Variants in MASTL observed in about 807,000 individuals in gnomAD.
MASTL encodes the protein serine/threonine-protein kinase greatwall.
Under a neutral mutation model 82.5 loss-of-function variants are expected in MASTL, and 54 were observed. That is an observed-to-expected ratio of 0.65 (90% CI 0.53 to 0.82). The LOEUF is 0.82. Among genes scored for constraint, MASTL ranks in the 40% least tolerant of loss-of-function variants. The pLI is 0.00. For synonymous variants in MASTL, 323 were observed against 368.9 expected (o/e 0.88, Z 1.43); for missense variants, 950 against 1,047.8 (o/e 0.91, Z 1.29).
Position 27,165,078 on chromosome 10 carries a change from G to T in MASTL, c.568G>T (p.Asp190Tyr). 5 of 1,595,330 alleles carry T rather than the reference G, an allele frequency of 3.1e-6. No homozygotes were observed. Among genetic ancestry groups the T allele is most frequent in the Non-Finnish European group, 4.3e-6 (5 of 1,163,098 alleles). ...VTLNRDINMM[D>Y]ILTTPSMAKP... ...TGCATACATAGATATTAATATGATG[G>T]ATATCCTTACAACACCATCAATGGC... Residue 190 changes from aspartate (D) to tyrosine (Y), a missense_variant, in exon 5 of 12, where the codon GAT becomes TAT. Coordinates refer to ENST00000375940, the MANE Select transcript of MASTL (RefSeq NM_001172303.3).
intron 11 of MASTL, 34 bp from the exon 12 acceptor site, chr10:27,186,345 A>G: frequency 6.3e-7 from 1 of 1,593,038 alleles, no homozygotes; most frequent in Non-Finnish European, 8.6e-7. Flanking sequence ...TTAGGTAATG[A>G]TATCATACTG....
rs1200713571 is a variant in MASTL at position 27,170,330 on chromosome 10, A to T, written c.1371A>T (p.Lys457Asn). 1 of 1,613,670 alleles carries T rather than the reference A, an allele frequency of 6.2e-7. No homozygotes were observed. Among genetic ancestry groups the T allele is most frequent in the East Asian group, 2.2e-5 (1 of 44,886 alleles). Residue 457 changes from lysine (K) to asparagine (N), a missense_variant, in exon 8 of 12, where the codon AAA (lysine) becomes AAT (asparagine). Coordinates refer to ENST00000375940, the MANE Select transcript of MASTL (RefSeq NM_001172303.3). ...FELVDSSPCK[K>N]IIQNKKTCVE... ...TGGTTGACTCCAGTCCTTGTAAAAA[A>T]ATTATACAGAATAAAAAAACTTGTG...
chr10:27,155,659 T>C, intron 1 of MASTL, 47 bp downstream of exon 1: 1 of 1,604,940 alleles, frequency 6.2e-7, no homozygotes. Flanking sequence ...CCTTCGGCCC[T>C]CCTTCCTGCC....
Position 27,170,450 on chromosome 10 carries a change from A to G in MASTL, c.1491A>G (p.Lys497=), listed in dbSNP as rs1197190989. Residue 497 remains lysine, a synonymous_variant, in exon 8 of 12, where the codon AAA becomes AAG. Coordinates refer to ENST00000375940, the MANE Select transcript of MASTL (RefSeq NM_001172303.3). ...AGGACCTTAAGCTATCAGTGCACAA[A>G]AGTCAACAAAATGACTGTGCTAATA... The part of the protein sequence containing the change: ...EVQDLKLSVH[K]SQQNDCANKE... 2 of 1,614,174 alleles carry G rather than the reference A, an allele frequency of 1.2e-6. No individual in the cohort carries two copies. Among genetic ancestry groups the G allele is most frequent in the African/African-American group, 1.3e-5 (1 of 75,062 alleles).
At chr10:27,169,524 C>T (rs188990886) in intron 7 of MASTL, among the ~76,000 whole-genome samples, 3 of 151,172 alleles carry the variant, frequency 2.0e-5, no homozygotes, top group Non-Finnish European at 4.4e-5. Flanking sequence ...GAGCTGAGAT[C>T]GCACCACTGC....
In MASTL at chr10:27,170,777, T is replaced by G; in HGVS notation, c.1818T>G (p.Asp606Glu). The change falls in exon 8 of 12, where the codon GAT becomes GAG. Residue 606 changes from aspartate to glutamate, a missense_variant. Coordinates refer to ENST00000375940, the MANE Select transcript of MASTL (RefSeq NM_001172303.3). Reference protein sequence around the residue: ...ESSFEESNIEDPLIVTPDCQE... With the variant: ...ESSFEESNIEEPLIVTPDCQE... ...CTTTTGAAGAATCAAATATTGAAGA[T>G]CCACTTATTGTAACACCAGATTGCC... 6.2e-7 allele frequency: 1 copy of G among 1,614,100 alleles called. No homozygotes were observed.
At chr10:27,169,759 G>A (rs1183013696) in intron 7 of MASTL, among the ~76,000 whole-genome samples, 185 bp from the exon 8 acceptor site, 1 of 152,068 alleles carries the variant, frequency 6.6e-6, no homozygotes, top group Non-Finnish European at 1.5e-5. Flanking sequence ...TCAGAATAAT[G>A]TATATAAGCT....
rs766784799 is a variant in MASTL at position 27,155,414 on chromosome 10, A to C, written c.-13A>C. ...GGGGCAGTGTCTGCGGGGCCGCTGTATGCTGTCCAGCGATGGATCCCACCG... is the reference window on the plus strand; with the variant it reads ...GGGGCAGTGTCTGCGGGGCCGCTGTCTGCTGTCCAGCGATGGATCCCACCG... On this transcript the variant is annotated 5_prime_UTR_variant, in exon 1 of 12. It removes an upstream start codon present in the reference 5' UTR. Transcript: ENST00000375940. The C allele has an allele frequency of 7.5e-6, 12 of 1,599,174 alleles. No individual in the cohort carries two copies. The highest frequency in any genetic ancestry group is 9.4e-6 in the Non-Finnish European group (11 of 1,174,456).
chr10:27,169,868 C>T (rs2057863255), intron 7 of MASTL, 76 bp from the exon 8 acceptor site: 1 of 1,462,184 alleles, frequency 6.8e-7, no homozygotes. Flanking sequence ...ATTTATCCTA[C>T]CTTAACGGAC....
chr10:27,167,059 A>G (rs766529150), intron 6 of MASTL, 43 bp from the exon 7 acceptor site: 1 of 1,524,104 alleles, frequency 6.6e-7, no homozygotes, highest in Admixed American at 1.7e-5. Context: ...TAAGGAACTA[A>G]GAAAGCTGTA....
rs763652890 is a variant in MASTL at position 27,170,092 on chromosome 10, T to G, written c.1133T>G (p.Leu378Arg). The G allele has an allele frequency of 6.2e-7, 1 of 1,614,196 alleles. No individual in the cohort carries two copies. The change falls in exon 8 of 12, where the codon CTT becomes CGT. Residue 378 changes from leucine to arginine, a missense_variant. Leu to Arg is a moderately radical substitution (Grantham distance 102, BLOSUM62 -2). Coordinates refer to ENST00000375940, the MANE Select transcript of MASTL (RefSeq NM_001172303.3). ...TCTCCCATTCATAACAGCAGTGCCC[T>G]TCCCACCACTGGACGCTCTTGTGTA... ...ALSPIHNSSA[L>R]PTTGRSCVNL...
chr10:27,167,665 G>C (rs1221483192), intron 7 of MASTL, among the ~76,000 whole-genome samples: 1 of 152,004 alleles, frequency 6.6e-6, no homozygotes, highest in Non-Finnish European at 1.5e-5. Context: ...CTTCTATACT[G>C]TTTCCTGTCA....
chr10:27,159,471 C>A lies in MASTL; in HGVS notation c.325-148C>A. ...AAACTGTTATGGCAACATGAATAAA[C>A]CTAGTATTAATGTATTACGAGTAAT... On this transcript the variant is annotated intron_variant, in intron 2 of 11. Coordinates refer to ENST00000375940, the MANE Select transcript of MASTL (RefSeq NM_001172303.3). This position sits in a 1 kb window ranked among gnomAD's most constrained non-coding sequence, Gnocchi z 4.0. 1 of 611,664 alleles carries A rather than the reference C, an allele frequency of 1.6e-6. No homozygotes were observed. Among genetic ancestry groups the A allele is most frequent in the Non-Finnish European group, 2.9e-6 (1 of 347,964 alleles). The allele number at this position is 611,664 out of a possible 1,614,324, so 37.9% of individuals were successfully genotyped here.
chr10:27,154,552 C>T (rs999294839), upstream of MASTL: 2 of 406,430 alleles, frequency 4.9e-6, no homozygotes, highest in African/African-American at 2.1e-5. Context: ...CAGCCTTTAC[C>T]CTCTTTGGAC....
chr10:27,166,029 A>G (rs1162421161), intron 6 of MASTL, among the ~76,000 whole-genome samples: 13 of 152,022 alleles, frequency 8.6e-5, no homozygotes, highest in Admixed American at 7.9e-4. Flanking sequence ...CAACATGGTA[A>G]AACCCTGTCT....
chr10:27,165,816 G>C (rs541380261), intron 6 of MASTL, among the ~76,000 whole-genome samples: 1 of 151,844 alleles, frequency 6.6e-6, no homozygotes, highest in African/African-American at 2.4e-5. Context: ...CAGGAGGATC[G>C]CTTGAGCCCA....
rs1361833457 is a variant in MASTL at position 27,187,741 on chromosome 10, G to C, written c.*1205G>C. On this transcript the variant is annotated 3_prime_UTR_variant, in exon 12 of 12. Coordinates refer to ENST00000375940, the MANE Select transcript of MASTL (RefSeq NM_001172303.3). Reference sequence around the variant, plus strand: ...CATTTCAGCCTGGGCAACAGAATGAGACTCAGTCTCAAAAAAAAAAAAAAT... The same window carrying C: ...CATTTCAGCCTGGGCAACAGAATGACACTCAGTCTCAAAAAAAAAAAAAAT... Among the ~76,000 whole-genome samples the C allele has an allele frequency of 8.0e-6, 1 of 124,870 alleles. No homozygotes were observed. Among genetic ancestry groups the C allele is most frequent in the Non-Finnish European group, 1.7e-5 (1 of 59,708 alleles). The allele number at this position is 124,870 out of a possible 152,430, so 81.9% of individuals were successfully genotyped here.
intron 7 of MASTL, among the ~76,000 whole-genome samples, chr10:27,167,545 A>G (rs940837064): frequency 1.3e-5 from 2 of 152,208 alleles, no homozygotes; most frequent in Admixed American, 1.3e-4. Context: ...CTGTGTATCT[A>G]GGTGGACCTC....
Position 27,170,851 on chromosome 10 carries a change from G to T in MASTL, c.1892G>T (p.Ser631Ile). ...KGVENPAVQESNQKMLGPPLE... is the reference protein window; with the variant it reads ...KGVENPAVQEINQKMLGPPLE... The stretch of plus-strand genomic sequence containing the variant: ...GTCGAGAACCCTGCTGTACAAGAGA[G>T]TAACCAAAAAATGTTAGGTCCTCCT... The change falls in exon 8 of 12, where the codon AGT becomes ATT. Residue 631 changes from serine to isoleucine, a missense_variant. Transcript: ENST00000375940. 6.2e-7 allele frequency: 1 copy of T among 1,614,122 alleles called. No individual in the cohort carries two copies. The highest frequency in any genetic ancestry group is 1.3e-5 in the African/African-American group (1 of 75,054).
Sources: gnomAD v4.1 joint callset for allele counts (sites outside exome capture counted in the v4.1 genomes callset) on GRCh38, gnomAD v4.1.1 for gene constraint, Gnocchi (gnomAD v3.1) non-coding constraint, MANE v1.5 for transcripts, NCBI Gene and HGNC (gene_info 2026-07-23, HGNC 2026-07-21) for gene names.